Variants in RIMS2 observed in about 807,000 individuals in gnomAD.
RIMS2 encodes regulating synaptic membrane exocytosis 2.
Under a neutral mutation model 174.4 loss-of-function variants are expected in RIMS2, and 59 were observed. That is an observed-to-expected ratio of 0.34 (90% CI 0.27 to 0.42). The LOEUF is 0.42. Among genes scored for constraint, RIMS2 ranks in the 10% least tolerant of loss-of-function variants. RIMS2 has a pLI of 1.00. For missense variants in RIMS2, 1,620 were observed against 1,666.3 expected (o/e 0.97, Z 0.48); for synonymous variants, 606 against 572.5 (o/e 1.06, Z -0.84).
chr8:104,143,113 T>C (rs1424320096), intron 19 of RIMS2, among the ~76,000 whole-genome samples: 1 of 152,246 alleles, frequency 6.6e-6, no homozygotes, highest in African/African-American at 2.4e-5. Flanking sequence ...TATATGCTGA[T>C]ATTTGCCAGC....
At chr8:103,855,687 T>C (rs2099023746) in intron 3 of RIMS2, among the ~76,000 whole-genome samples, 2 of 152,192 alleles carry the variant, frequency 1.3e-5, no homozygotes, top group African/African-American at 2.4e-5. Flanking sequence ...CATCTTGATA[T>C]TGATTTCTGT....
Position 103,615,191 on chromosome 8 carries a change from G to C in RIMS2, c.177-81895G>C, listed in dbSNP as rs187437000. 1.6e-4 allele frequency among the ~76,000 whole-genome samples: 25 copies of C among 152,248 alleles called. No homozygotes were observed. In the East Asian group the frequency reaches 4.6e-3, roughly 28 times the overall value. ...TGAAATAATACCAAGCACACTGTCA[G>C]ACCATAGCGCAATAAAAATAGAAGT... On this transcript the variant is annotated intron_variant, in intron 1 of 23. Transcript: ENST00000504942.
At chr8:103,814,856 C>T (rs1564734578) in intron 3 of RIMS2, among the ~76,000 whole-genome samples, 1 of 152,094 alleles carries the variant, frequency 6.6e-6, no homozygotes, top group South Asian at 2.1e-4. Context: ...CTCAAAATAT[C>T]TATATCTATA....
intron 2 of RIMS2, among the ~76,000 whole-genome samples, chr8:103,715,821 A>G (rs912778551): frequency 2.0e-5 from 3 of 152,188 alleles, no homozygotes; most frequent in African/African-American, 7.2e-5. Flanking sequence ...TAAACTTCAG[A>G]AACAATATGT....
intron 19 of RIMS2, among the ~76,000 whole-genome samples, chr8:104,210,315 T>C (rs1248616007): frequency 6.6e-6 from 1 of 152,166 alleles, no homozygotes; most frequent in African/African-American, 2.4e-5. Flanking sequence ...GTAAGAATAA[T>C]TATTTATTAA....
intron 19 of RIMS2, among the ~76,000 whole-genome samples, chr8:104,087,470 G>A (rs1432408119): frequency 6.6e-6 from 1 of 152,030 alleles, no homozygotes; most frequent in African/African-American, 2.4e-5. Context: ...AGTAGTTGAG[G>A]AACATTCGAA....
rs1012111607 is a variant in RIMS2 at position 103,768,659 on chromosome 8, C to T, written c.698+2122C>T. Reference sequence around the variant, plus strand: ...AAAAATATTCCAGGATTGACTGATACTACGATGCCTCATCACCTGGGGCCC... The same window carrying T: ...AAAAATATTCCAGGATTGACTGATATTACGATGCCTCATCACCTGGGGCCC... On this transcript the variant is annotated intron_variant, in intron 3 of 23. Transcript: ENST00000504942. The T allele has an allele frequency of 3.6e-6, 3 of 823,158 alleles. No homozygotes were observed. The East Asian group carries it at 7.3e-5, about 20-fold the overall frequency. 51.0% of individuals were successfully genotyped at this position (823,158 alleles called of 1,614,324 possible).
intron 2 of RIMS2, among the ~76,000 whole-genome samples, chr8:103,752,618 G>T (rs1437812107): frequency 2.0e-5 from 3 of 152,156 alleles, no homozygotes; most frequent in African/African-American, 7.2e-5. Context: ...TTGAGCAGTG[G>T]TTTGTATTTC....
At chr8:104,214,568 C>T (rs1166039505) in intron 19 of RIMS2, among the ~76,000 whole-genome samples, 1 of 152,094 alleles carries the variant, frequency 6.6e-6, no homozygotes, top group Admixed American at 6.5e-5. Context: ...CTGCCTCAGC[C>T]TCCCGAGTAG....
chr8:103,550,542 A>C (rs180699347), intron 1 of RIMS2, among the ~76,000 whole-genome samples: 140 of 152,276 alleles, frequency 9.2e-4, no homozygotes, highest in Middle Eastern at 3.4e-3. Flanking sequence ...CACAAGTAAA[A>C]GAACTAGAGA....
intron 1 of RIMS2, among the ~76,000 whole-genome samples, chr8:103,595,409 G>T (rs541012846): frequency 6.6e-6 from 1 of 151,922 alleles, no homozygotes; most frequent in East Asian, 1.9e-4. Context: ...TCACCCTCAA[G>T]TTTTTCATTC....
chr8:104,106,288 A>G (rs1340116542), intron 19 of RIMS2, among the ~76,000 whole-genome samples: 1 of 140,610 alleles, frequency 7.1e-6, no homozygotes, highest in Non-Finnish European at 1.5e-5. Flanking sequence ...TTACTTTGTA[A>G]TATAGTTAGT....
At chr8:103,582,687 A>G (rs2093684805) in intron 1 of RIMS2, among the ~76,000 whole-genome samples, 1 of 152,174 alleles carries the variant, frequency 6.6e-6, no homozygotes, top group Non-Finnish European at 1.5e-5. Context: ...TGGCTACAGA[A>G]TGAGGCTCCT....
At chr8:103,556,357 G>T (rs940903987) in intron 1 of RIMS2, among the ~76,000 whole-genome samples, 1 of 152,044 alleles carries the variant, frequency 6.6e-6, no homozygotes, top group Non-Finnish European at 1.5e-5. Flanking sequence ...TGTAAAGCTT[G>T]ATCCAAAATA....
chr8:104,040,659 G>A (rs1597586389), intron 19 of RIMS2, among the ~76,000 whole-genome samples: 1 of 151,792 alleles, frequency 6.6e-6, no homozygotes, highest in Middle Eastern at 3.4e-3. Flanking sequence ...TTGAAGTTTA[G>A]TTTGGATTTT....
chr8:103,553,954 G>T, intron 1 of RIMS2, among the ~76,000 whole-genome samples: 1 of 48,342 alleles, frequency 2.1e-5, no homozygotes, highest in South Asian at 3.8e-4. Flanking sequence ...AGTGGGAAAA[G>T]GACCCCCGTT....
intron 1 of RIMS2, among the ~76,000 whole-genome samples, chr8:103,682,281 G>A (rs1222051835): frequency 6.6e-6 from 1 of 151,992 alleles, no homozygotes; most frequent in Non-Finnish European, 1.5e-5. Context: ...TGCCTAAGAA[G>A]ACTCTACATA....
chr8:103,903,743 C>T (rs1161702798), intron 4 of RIMS2, among the ~76,000 whole-genome samples: 1 of 152,134 alleles, frequency 6.6e-6, no homozygotes, highest in Non-Finnish European at 1.5e-5. Context: ...TGACCCTTCT[C>T]TACATCGTGC....
chr8:103,586,903 A>T (rs1388989175), intron 1 of RIMS2, among the ~76,000 whole-genome samples: 1 of 152,042 alleles, frequency 6.6e-6, no homozygotes, highest in Non-Finnish European at 1.5e-5. Flanking sequence ...AAAAGGAGAC[A>T]TTACAACTGA....
Sources: allele counts gnomAD v4.1 joint callset (sites outside exome capture counted in the v4.1 genomes callset), GRCh38; gene constraint gnomAD v4.1.1; transcripts MANE v1.5; gene names NCBI Gene and HGNC (gene_info 2026-07-23, HGNC 2026-07-21).